The following CPXM2 variants were observed in gnomAD, a reference collection of about 807,000 sequenced individuals.
CPXM2 encodes the protein carboxypeptidase X, M14 family member 2, also known as inactive carboxypeptidase-like protein X2.
A neutral mutation model predicts 86.1 loss-of-function variants in CPXM2; 66 were observed. The observed-to-expected ratio is 0.77, with a 90% CI of 0.63 to 0.94. The LOEUF (loss-of-function observed/expected upper bound fraction) is 0.94, where lower values mean the gene tolerates loss of function less well. CPXM2 is among the 40% of genes least tolerant of loss of function. The pLI is 0.00. For missense variants in CPXM2, 948 were observed against 1,026.3 expected (o/e 0.92, Z 1.04); for synonymous variants, 388 against 400.2 (o/e 0.97, Z 0.36).
intron 2 of CPXM2, among the ~76,000 whole-genome samples, chr10:123,900,115 C>G (rs1310492591): frequency 6.6e-6 from 1 of 152,190 alleles, no homozygotes; most frequent in Non-Finnish European, 1.5e-5. Context: ...GATCTTGGCT[C>G]TCTGCAAACT....
chr10:123,874,697 AC>A (rs1944951750), intron 2 of CPXM2, among the ~76,000 whole-genome samples: 1 of 152,246 alleles, frequency 6.6e-6, no homozygotes, highest in Non-Finnish European at 1.5e-5. Flanking sequence ...GAAGATGGAA[AC>A]AGGATAGATC....
intron 2 of CPXM2, among the ~76,000 whole-genome samples, chr10:123,879,182 G>A (rs1178367578): frequency 2.6e-5 from 4 of 152,262 alleles, no homozygotes; most frequent in African/African-American, 9.6e-5. Flanking sequence ...CTTTGATGGC[G>A]AGTTCTTGGT....
intron 2 of CPXM2, among the ~76,000 whole-genome samples, chr10:123,878,506 C>CGTGTGTGTGTGTGTGT (rs200009107): frequency 2.8e-4 from 38 of 134,882 alleles, no homozygotes; most frequent in Non-Finnish European, 4.6e-4. Context: ...CAAATTCAGA[C>CGTGTGTGTGTGTGTGT]GTGTGTGTGT....
upstream of CPXM2, among the ~76,000 whole-genome samples, chr10:123,941,988 T>A: frequency 6.6e-6 from 1 of 152,244 alleles, no homozygotes; most frequent in East Asian, 1.9e-4. Context: ...AAAAGATTGC[T>A]GGGTGTCCTA....
At chr10:123,780,323 A>C in intron 6 of CPXM2, 68 bp from the exon 7 acceptor site, 1 of 1,005,552 alleles carries the variant, frequency 9.9e-7, no homozygotes, top group Non-Finnish European at 1.6e-6. Context: ...TCTGTTAGAG[A>C]CACATGGGGA....
chr10:123,943,108 T>C (rs1051323844), upstream of CPXM2, among the ~76,000 whole-genome samples: 1 of 152,050 alleles, frequency 6.6e-6, no homozygotes, highest in African/African-American at 2.4e-5. Context: ...TATGACAAAA[T>C]TGCCTAACAA....
chr10:123,869,997 C>T (rs944989007), intron 2 of CPXM2, among the ~76,000 whole-genome samples: 6 of 151,924 alleles, frequency 3.9e-5, no homozygotes, highest in Admixed American at 6.6e-5. Context: ...GGTGGGGGGC[C>T]GTTATGAGTC....
chr10:123,830,872 C>CTCTGTGTG (rs1258897184), intron 4 of CPXM2, among the ~76,000 whole-genome samples: 42 of 142,798 alleles, frequency 2.9e-4, no homozygotes, highest in African/African-American at 9.5e-4. Flanking sequence ...CTCTCTCTCT[C>CTCTGTGTG]TGTGTGTGTG....
chr10:123,842,652 A>T (rs973595161), intron 3 of CPXM2, among the ~76,000 whole-genome samples, 164 bp from the exon 4 acceptor site: 1 of 152,248 alleles, frequency 6.6e-6, no homozygotes, highest in African/African-American at 2.4e-5. Flanking sequence ...ATCCTAAATC[A>T]TAAAAGGGAG....
intron 2 of CPXM2, among the ~76,000 whole-genome samples, chr10:123,914,819 A>G (rs1249768836): frequency 6.6e-6 from 1 of 152,054 alleles, no homozygotes; most frequent in Non-Finnish European, 1.5e-5. Context: ...ACTAGTCTCC[A>G]TGCTCTCTCT....
chr10:123,774,061 CTCT>C (rs1215037059), intron 7 of CPXM2, among the ~76,000 whole-genome samples: 2 of 152,226 alleles, frequency 1.3e-5, no homozygotes, highest in Non-Finnish European at 2.9e-5. Flanking sequence ...CAAAGGGCAT[CTCT>C]TTTTTGAGCC....
intron 3 of CPXM2, among the ~76,000 whole-genome samples, chr10:123,847,253 G>A (rs955265773): frequency 4.6e-5 from 7 of 152,156 alleles, no homozygotes; most frequent in Admixed American, 1.3e-4. Context: ...GGCCAGGTGC[G>A]GTGGCTCACG....
intron 7 of CPXM2, among the ~76,000 whole-genome samples, chr10:123,774,083 G>A (rs1320369150): frequency 6.6e-6 from 1 of 152,232 alleles, no homozygotes; most frequent in Admixed American, 6.5e-5. Flanking sequence ...CCAGGCACCT[G>A]ACCATGCAGT....
chr10:123,914,758 C>T (rs1373262326), intron 2 of CPXM2, among the ~76,000 whole-genome samples: 1 of 152,124 alleles, frequency 6.6e-6, no homozygotes, highest in Non-Finnish European at 1.5e-5. Flanking sequence ...TTTCACTGCC[C>T]TCATTCAGGC....
At chr10:123,762,195 A>G (rs202089677) in intron 10 of CPXM2, 26 bp from the exon 11 acceptor site, 151 of 1,613,960 alleles carry the variant, frequency 9.4e-5, no homozygotes, top group Non-Finnish European at 1.2e-4. Flanking sequence ...ATGGACGAGT[A>G]AAATAAGCAG....
At chr10:123,849,632 C>T (rs1848562104) in intron 3 of CPXM2, among the ~76,000 whole-genome samples, 1 of 151,994 alleles carries the variant, frequency 6.6e-6, no homozygotes, top group Non-Finnish European at 1.5e-5. Context: ...AGGCTGGTCT[C>T]GATCTCCTGA....
intron 11 of CPXM2, among the ~76,000 whole-genome samples, chr10:123,758,609 T>C (rs949136449): frequency 2.6e-5 from 4 of 152,198 alleles, no homozygotes; most frequent in African/African-American, 9.6e-5. Context: ...AAGCAGACAT[T>C]ATCTTCTGGG....
Position 123,891,308 on chromosome 10 carries a change from G to C in CPXM2, c.304+48C>G. The C allele has an allele frequency of 2.8e-6, 4 of 1,412,946 alleles. No individual in the cohort carries two copies. Among genetic ancestry groups the C allele is most frequent in the Non-Finnish European group, 3.7e-6 (4 of 1,066,710 alleles). 87.5% of individuals were successfully genotyped at this position (1,412,946 alleles called of 1,614,324 possible). ...GAAGCCAGTTGTCCCCTGGAGGCGC[G>C]CAACCACCGGCGCCCCCTCGGGCTG... On this transcript the variant is annotated intron_variant, in intron 1 of 13. Transcript: ENST00000241305. This position sits in a 1 kb window ranked among gnomAD's most constrained non-coding sequence, Gnocchi z 5.6.
chr10:123,842,676 A>C (rs1229968980), intron 3 of CPXM2, among the ~76,000 whole-genome samples, 188 bp from the exon 4 acceptor site: 1 of 152,244 alleles, frequency 6.6e-6, no homozygotes, highest in Non-Finnish European at 1.5e-5. Flanking sequence ...CTTAGTATCC[A>C]CAAGTTGAAA....
Sources: gnomAD v4.1 joint callset for allele counts (sites outside exome capture counted in the v4.1 genomes callset) on GRCh38, gnomAD v4.1.1 for gene constraint, Gnocchi (gnomAD v3.1) non-coding constraint, MANE v1.5 for transcripts, NCBI Gene and HGNC (gene_info 2026-07-23, HGNC 2026-07-21) for gene names.